Variants in PFKP observed in about 807,000 individuals in gnomAD.
PFKP encodes phosphofructokinase, platelet.
In PFKP, 101 loss-of-function variants were observed where a neutral mutation model predicts 94.3. The ratio of observed to expected loss-of-function variants is 1.07; its 90% CI spans 0.91 to 1.26. The LOEUF (loss-of-function observed/expected upper bound fraction) is 1.26. Among genes scored for constraint, PFKP ranks in the 50% most tolerant of loss-of-function variants. The pLI is 0.00. For missense variants in PFKP, 1,145 were observed against 1,103.3 expected, an observed-to-expected ratio of 1.04 and a Z score of -0.53; for synonymous variants, 573 against 432.6, an observed-to-expected ratio of 1.32 and a Z score of -4.03.
chr10:3,110,943 AGTGT>A (rs999788991), intron 10 of PFKP, among the ~76,000 whole-genome samples: 8 of 147,206 alleles, frequency 5.4e-5, no homozygotes, highest in Middle Eastern at 3.6e-3. Context: ...TTTGTGAGGT[AGTGT>A]GTGTGCATGT....
At chr10:3,089,214 A>G (rs1833859796) in intron 2 of PFKP, among the ~76,000 whole-genome samples, 1 of 152,194 alleles carries the variant, frequency 6.6e-6, no homozygotes, top group Non-Finnish European at 1.5e-5. Context: ...GATTACAAGC[A>G]TGAACCACCA....
chr10:3,070,744 A>G (rs902853473), intron 1 of PFKP, among the ~76,000 whole-genome samples: 1 of 152,094 alleles, frequency 6.6e-6, no homozygotes, highest in African/African-American at 2.4e-5. Flanking sequence ...CCCGTAGACC[A>G]CGAAGAGTAC....
chr10:3,119,780 C>CATTAA, intron 15 of PFKP, 112 bp from the exon 16 acceptor site: 1 of 558,090 alleles, frequency 1.8e-6, no homozygotes, highest in Non-Finnish European at 2.7e-6. Flanking sequence ...TCGTGATGCC[C>CATTAA]CAGTGTGCTC....
chr10:3,129,954 G>A lies in PFKP; in HGVS notation c.1819G>A (p.Glu607Lys), dbSNP rs760242354. Residue 607 changes from glutamate (E) to lysine (K), a missense_variant, in exon 17 of 22, where the codon GAA (glutamate) becomes AAA (lysine). Transcript: ENST00000381125. ...AAGADAAYIF[E>K]EPFDIRDLQS... Reference sequence around the variant, plus strand: ...CGGAGCTGATGCCGCATACATTTTCGAAGAGCCCTTCGACATCAGGGATCT... The same window carrying A: ...CGGAGCTGATGCCGCATACATTTTCAAAGAGCCCTTCGACATCAGGGATCT... 16 of 1,596,056 alleles carry A rather than the reference G, an allele frequency of 1.0e-5. No individual in the cohort carries two copies. Among genetic ancestry groups the A allele is most frequent in the Middle Eastern group, 1.7e-4 (1 of 6,008 alleles).
intron 2 of PFKP, among the ~76,000 whole-genome samples, chr10:3,086,769 T>C (rs911311539): frequency 2.6e-5 from 4 of 152,144 alleles, no homozygotes; most frequent in Non-Finnish European, 4.4e-5. Flanking sequence ...TTAATCTCTC[T>C]TGATGTAAGG....
intron 1 of PFKP, among the ~76,000 whole-genome samples, chr10:3,076,847 T>G (rs1049653556): frequency 7.9e-5 from 12 of 151,770 alleles, no homozygotes; most frequent in Non-Finnish European, 1.2e-4. Context: ...GTCCAGGAGG[T>G]CAGAGAGGCC....
At chr10:3,133,111 C>T (rs1013212371) in intron 18 of PFKP, 92 bp from the exon 19 acceptor site, 21 of 848,268 alleles carry the variant, frequency 2.5e-5, no homozygotes, top group Non-Finnish European at 3.5e-5. Context: ...TTGGGGGATG[C>T]GGGAGTCCAG....
At chr10:3,077,606 A>G (rs1388491837) in intron 1 of PFKP, among the ~76,000 whole-genome samples, 3 of 152,066 alleles carry the variant, frequency 2.0e-5, no homozygotes, top group Non-Finnish European at 4.4e-5. Context: ...TTTAGATTTT[A>G]TCAGAGCAGA....
intron 8 of PFKP, 82 bp from the exon 9 acceptor site, chr10:3,108,619 C>A: frequency 9.9e-7 from 1 of 1,006,484 alleles, no homozygotes; most frequent in Middle Eastern, 2.1e-4. Flanking sequence ...AAAACCTTTT[C>A]CAGTGCCCAG....
intron 9 of PFKP, among the ~76,000 whole-genome samples, chr10:3,109,053 TC>T (rs1835903266): frequency 2.3e-5 from 3 of 128,432 alleles, no homozygotes; most frequent in South Asian, 5.8e-4. Context: ...GAGGGCACAA[TC>T]CCAGGGCAGA....
intron 1 of PFKP, among the ~76,000 whole-genome samples, chr10:3,080,060 A>C (rs1014764783): frequency 2.0e-5 from 3 of 150,776 alleles, no homozygotes; most frequent in Non-Finnish European, 4.4e-5. Flanking sequence ...AGAGCGTCCG[A>C]GCAAGAGCAC....
Position 3,067,613 on chromosome 10 carries a change from C to T in PFKP, c.18C>T (p.Ser6=), listed in dbSNP as rs780240517. ...TCCTCGCCATGGACGCGGACGACTC[C>T]CGGGCCCCCAAGGGCTCCTTGCGGA... MDADD[S]RAPKGSLRKF... is the part of the protein sequence containing the mutation. Residue 6 remains serine (S), a synonymous_variant, in exon 1 of 22, where the codon TCC becomes TCT. Coordinates refer to ENST00000381125, the MANE Select transcript of PFKP (RefSeq NM_002627.5). The T allele has an allele frequency of 1.3e-6, 2 of 1,529,842 alleles. No homozygotes were observed. Among genetic ancestry groups the T allele is most frequent in the Non-Finnish European group, 8.8e-7 (1 of 1,137,876 alleles). The allele number at this position is 1,529,842 out of a possible 1,614,324, so 94.8% of individuals were successfully genotyped here. A position where few individuals can be genotyped will look rare whatever the true frequency, so the allele number is the denominator to read the frequency against.
chr10:3,089,671 TA>T (rs1418274343), intron 2 of PFKP, among the ~76,000 whole-genome samples: 2 of 149,624 alleles, frequency 1.3e-5, no homozygotes, highest in Non-Finnish European at 3.0e-5. Context: ...TATTATACAT[TA>T]TGTATAATAT....
chr10:3,118,885 T>C lies in PFKP; in HGVS notation c.1530+16T>C. ...TGGATTCGAGGTACGTTACCGTTTCTCTCTTGCCGGTCTTGCAGGTGTGAG... is the reference window on the plus strand; with the variant it reads ...TGGATTCGAGGTACGTTACCGTTTCCCTCTTGCCGGTCTTGCAGGTGTGAG... On this transcript the variant is annotated intron_variant, in intron 15 of 21. Coordinates refer to ENST00000381125, the MANE Select transcript of PFKP (RefSeq NM_002627.5). The C allele has an allele frequency of 6.2e-7, 1 of 1,602,022 alleles. No individual in the cohort carries two copies. The highest frequency in any genetic ancestry group is 1.3e-5 in the African/African-American group (1 of 74,744).
Position 3,108,093 on chromosome 10 carries a change from C to T in PFKP, c.871-608C>T, listed in dbSNP as rs531383811. On this transcript the variant is annotated intron_variant, in intron 8 of 21. Transcript: ENST00000381125. ...CTGCCAATATTTATAAGTGGTCATC[C>T]ATAAAGTCCAGGCAAAGATTTTATT... The T allele has an allele frequency of 1.8e-5, 19 of 1,063,560 alleles. No homozygotes were observed. The African/African-American group carries it at 2.6e-4, about 15-fold the overall frequency. 65.9% of individuals were successfully genotyped at this position (1,063,560 alleles called of 1,614,324 possible). A position where few individuals can be genotyped will look rare whatever the true frequency, so the allele number is the denominator to read the frequency against.
chr10:3,075,980 C>G lies in PFKP; in HGVS notation c.113-6408C>G, dbSNP rs185572207. Among the ~76,000 whole-genome samples the G allele has an allele frequency of 4.4e-4, 59 of 133,788 alleles. 1 individual carries two copies. Among genetic ancestry groups the G allele is most frequent in the Admixed American group, 7.6e-4 (9 of 11,888 alleles). 87.8% of individuals were successfully genotyped at this position (133,788 alleles called of 152,430 possible). ...GAGCCGAGATCGCGCCACTGCAGTC[C>G]GCAGTCCGGCCTGGGCGACAGAGCG... On this transcript the variant is annotated intron_variant, in intron 1 of 21. Coordinates refer to ENST00000381125, the MANE Select transcript of PFKP (RefSeq NM_002627.5).
chr10:3,116,926 C>T (rs1006902385), intron 14 of PFKP, 80 bp downstream of exon 14: 10 of 1,112,912 alleles, frequency 9.0e-6, no homozygotes, highest in African/African-American at 7.7e-5. Context: ...TCGCTGGGTG[C>T]CGACGCCAGT....
chr10:3,115,928 T>G (rs1324268395), intron 13 of PFKP, among the ~76,000 whole-genome samples: 1 of 152,202 alleles, frequency 6.6e-6, no homozygotes. Flanking sequence ...CCCGCCCTTC[T>G]GTGTTGGCCC....
chr10:3,079,672 G>GGGGGGGGGGGGGGA (rs1832890430), intron 1 of PFKP, among the ~76,000 whole-genome samples: 2 of 111,474 alleles, frequency 1.8e-5, no homozygotes, highest in Non-Finnish European at 2.1e-5. Context: ...TGGGGGGGGG[G>GGGGGGGGGGGGGGA]GGAAGAGGAG....
Sources: gnomAD v4.1 joint callset for allele counts (sites outside exome capture counted in the v4.1 genomes callset) on GRCh38, gnomAD v4.1.1 for gene constraint, MANE v1.5 for transcripts, NCBI Gene and HGNC (gene_info 2026-07-23, HGNC 2026-07-21) for gene names.